RGSL1: variants seen among roughly 807,000 people sequenced by gnomAD.
RGSL1 encodes the protein regulator of G protein signaling like 1, also known as regulator of G protein signaling protein-like.
RGSL1 carries 97 observed loss-of-function variants against 124.7 expected under a neutral mutation model. The observed-to-expected ratio is 0.78, with a 90% CI of 0.66 to 0.92. RGSL1 has a LOEUF of 0.92. Ranked by LOEUF, RGSL1 falls within the 40% of genes least tolerant of loss-of-function variation. The probability of loss-of-function intolerance (pLI) is 0.00; values close to 1 mark genes in which losing one functional copy is unlikely to be tolerated. For synonymous variants in RGSL1, 424 were observed against 438.1 expected (o/e 0.97, Z 0.40); for missense variants, 1,233 against 1,288.4 (o/e 0.96, Z 0.66).
At chr1:182,462,342 C>T (rs1203459663) in intron 4 of RGSL1, among the ~76,000 whole-genome samples, 1 of 152,104 alleles carries the variant, frequency 6.6e-6, no homozygotes, top group Non-Finnish European at 1.5e-5. Context: ...GCAAGAAATG[C>T]TCAAGAGAGT....
At chr1:182,468,087 A>T (rs1653498604) in intron 4 of RGSL1, among the ~76,000 whole-genome samples, 1 of 152,244 alleles carries the variant, frequency 6.6e-6, no homozygotes, top group African/African-American at 2.4e-5. Context: ...TACACTAGTT[A>T]GAATGGCGAT....
intron 7 of RGSL1, 94 bp downstream of exon 7, chr1:182,488,441 G>A: frequency 2.5e-6 from 3 of 1,203,518 alleles, no homozygotes; most frequent in Non-Finnish European, 3.6e-6. Context: ...TAAAGTAAAT[G>A]AAATTGTTAT....
intron 15 of RGSL1, among the ~76,000 whole-genome samples, chr1:182,542,333 T>C (rs1018766106): frequency 8.5e-5 from 13 of 152,178 alleles, no homozygotes; most frequent in Non-Finnish European, 1.8e-4. Context: ...CTTTCCCCCA[T>C]TGCGCATTCT....
chr1:182,500,607 A>G (rs1484840478), intron 9 of RGSL1, among the ~76,000 whole-genome samples: 1 of 152,184 alleles, frequency 6.6e-6, no homozygotes, highest in Non-Finnish European at 1.5e-5. Context: ...TAGCATCGCC[A>G]TATTCAATCT....
intron 6 of RGSL1, among the ~76,000 whole-genome samples, chr1:182,484,389 G>A (rs139666166): frequency 1.6e-3 from 236 of 152,242 alleles, no homozygotes; most frequent in African/African-American, 5.1e-3. Flanking sequence ...GTATGTGACC[G>A]CTCTTCTGGG....
chr1:182,478,266 A>G (rs1654444561), intron 6 of RGSL1, among the ~76,000 whole-genome samples: 1 of 152,148 alleles, frequency 6.6e-6, no homozygotes, highest in South Asian at 2.1e-4. Context: ...CATCTTAGAG[A>G]AGCTCAATGA....
At chr1:182,450,886 C>T (rs572946879) in intron 1 of RGSL1, among the ~76,000 whole-genome samples, 33 of 152,264 alleles carry the variant, frequency 2.2e-4, no homozygotes, top group Admixed American at 6.5e-4. Context: ...TTGGCTCACC[C>T]TTGTAATCCT....
chr1:182,454,862 A>T (rs1439073145), intron 2 of RGSL1, among the ~76,000 whole-genome samples: 1 of 152,170 alleles, frequency 6.6e-6, no homozygotes, highest in Non-Finnish European at 1.5e-5. Flanking sequence ...GTGACATTTT[A>T]ACACTGGTGC....
Position 182,532,792 on chromosome 1 carries a change from G to A in RGSL1, c.2494+1G>A, listed in dbSNP as rs544462689. The A allele has an allele frequency of 1.9e-6, 3 of 1,549,668 alleles. No homozygotes were observed. In the East Asian group the frequency reaches 7.3e-5, roughly 38 times the overall value. On this transcript the variant is annotated splice_donor_variant, in intron 14 of 21. Coordinates refer to ENST00000294854, the MANE Select transcript of RGSL1 (RefSeq NM_001137669.2). LOFTEE classifies it high-confidence loss of function. ...CAGGAAATGCAAAATAGCAAGGAAA[G>A]TAAGTCATTTCTGTATTTACCCCCA... is the stretch of plus-strand genomic sequence containing the variant.
chr1:182,522,230 A>G, intron 10 of RGSL1, 121 bp downstream of exon 10: 1 of 691,700 alleles, frequency 1.4e-6, no homozygotes, highest in Non-Finnish European at 2.5e-6. Context: ...TCCATATACA[A>G]TACATACAGG....
At chr1:182,489,243 G>A (rs1655346300) in intron 8 of RGSL1, 41 bp downstream of exon 8, 2 of 1,434,604 alleles carry the variant, frequency 1.4e-6, no homozygotes, top group Non-Finnish European at 1.9e-6. Context: ...TTTACATATG[G>A]GCAACTGGAA....
At chr1:182,527,806 C>A (rs1658867268) in intron 11 of RGSL1, 34 bp downstream of exon 11, 1 of 1,508,104 alleles carries the variant, frequency 6.6e-7, no homozygotes, top group South Asian at 1.3e-5. Flanking sequence ...TTTTCTCTCT[C>A]TCTTTAGTGT....
At chr1:182,469,989 G>T (rs1031644960) in intron 4 of RGSL1, among the ~76,000 whole-genome samples, 1 of 152,100 alleles carries the variant, frequency 6.6e-6, no homozygotes, top group Non-Finnish European at 1.5e-5. Context: ...AATGGTGGTT[G>T]TCAGGAGCTG....
chr1:182,547,419 T>C (rs6685438), intron 15 of RGSL1, among the ~76,000 whole-genome samples: 79,518 of 151,920 alleles, frequency 0.52, 21,033 homozygotes, highest in Non-Finnish European at 0.56. Context: ...GAGATACTAG[T>C]CAGAGTGAAT....
intron 4 of RGSL1, among the ~76,000 whole-genome samples, chr1:182,462,569 A>G (rs1652936583): frequency 6.6e-6 from 1 of 152,204 alleles, no homozygotes; most frequent in African/African-American, 2.4e-5. Context: ...CGTCTAAAAG[A>G]TAGTATTAAT....
At chr1:182,466,462 A>G (rs1653338172) in intron 4 of RGSL1, among the ~76,000 whole-genome samples, 2 of 152,332 alleles carry the variant, frequency 1.3e-5, no homozygotes, top group African/African-American at 4.8e-5. Flanking sequence ...TAAGAAATGA[A>G]TCCAGCAAAG....
chr1:182,544,801 A>T (rs4652727), intron 15 of RGSL1, among the ~76,000 whole-genome samples: 1 of 151,836 alleles, frequency 6.6e-6, no homozygotes, highest in Non-Finnish European at 1.5e-5. Context: ...TGATATAACT[A>T]TAGCTATCCC....
intron 9 of RGSL1, among the ~76,000 whole-genome samples, chr1:182,518,390 T>C (rs1658059766): frequency 6.6e-6 from 1 of 152,156 alleles, no homozygotes; most frequent in Non-Finnish European, 1.5e-5. Flanking sequence ...GTGGGAAGGC[T>C]AGCTAGGGGT....
intron 6 of RGSL1, among the ~76,000 whole-genome samples, chr1:182,479,468 G>A (rs754620312): frequency 3.9e-5 from 6 of 152,018 alleles, no homozygotes; most frequent in African/African-American, 4.8e-5. Flanking sequence ...TTAATGCAAG[G>A]TTCATGGTAA....
Sources: gnomAD v4.1 joint callset for allele counts (sites outside exome capture counted in the v4.1 genomes callset) on GRCh38, gnomAD v4.1.1 for gene constraint, MANE v1.5 for transcripts, NCBI Gene and HGNC (gene_info 2026-07-23, HGNC 2026-07-21) for gene names.